Variants in SPATA16 observed in about 807,000 individuals in gnomAD.
SPATA16 encodes the protein spermatogenesis-associated protein 16.
A neutral mutation model predicts 63.3 loss-of-function variants in SPATA16; 36 were observed. The ratio of observed to expected loss-of-function variants is 0.57; its 90% CI spans 0.44 to 0.75. The LOEUF is 0.75. Among genes scored for constraint, SPATA16 ranks in the 30% least tolerant of loss-of-function variants. The pLI is 0.00. For synonymous variants in SPATA16, 203 were observed against 216.7 expected (o/e 0.94, Z 0.56); for missense variants, 646 against 679.3 (o/e 0.95, Z 0.54).
At chr3:173,109,639 G>C (rs1737702852) in intron 2 of SPATA16, among the ~76,000 whole-genome samples, 1 of 152,084 alleles carries the variant, frequency 6.6e-6, no homozygotes, top group African/African-American at 2.4e-5. Context: ...ACTAAAATAT[G>C]TTGGATATCT....
At chr3:172,951,476 G>A (rs1054488198) in intron 6 of SPATA16, among the ~76,000 whole-genome samples, 5 of 151,128 alleles carry the variant, frequency 3.3e-5, no homozygotes, top group Non-Finnish European at 4.4e-5. Flanking sequence ...TAGATAATGC[G>A]ATTGGCTTAT....
At chr3:173,037,980 A>G (rs545696186) in intron 3 of SPATA16, among the ~76,000 whole-genome samples, 5 of 152,272 alleles carry the variant, frequency 3.3e-5, no homozygotes, top group African/African-American at 1.2e-4. Context: ...CATAAAATAC[A>G]CATTCTTGAA....
chr3:172,946,217 T>A (rs780377108), intron 6 of SPATA16, among the ~76,000 whole-genome samples: 4 of 151,984 alleles, frequency 2.6e-5, no homozygotes, highest in Admixed American at 1.3e-4. Flanking sequence ...ACCCAGGGAG[T>A]ACTCACCGGG....
intron 8 of SPATA16, among the ~76,000 whole-genome samples, chr3:172,922,780 A>C (rs1732640234): frequency 6.6e-6 from 1 of 152,036 alleles, no homozygotes; most frequent in Non-Finnish European, 1.5e-5. Flanking sequence ...AAAATTAGCT[A>C]GGCATGGTGG....
At chr3:172,937,646 T>C (rs752322882) in intron 6 of SPATA16, among the ~76,000 whole-genome samples, 1 of 152,098 alleles carries the variant, frequency 6.6e-6, no homozygotes, top group Non-Finnish European at 1.5e-5. Flanking sequence ...CATTGAGGGG[T>C]GGGCAAAACC....
At chr3:173,002,589 A>G (rs548888056) in intron 4 of SPATA16, among the ~76,000 whole-genome samples, 1 of 152,208 alleles carries the variant, frequency 6.6e-6, no homozygotes, top group Non-Finnish European at 1.5e-5. Context: ...TACAATGTAT[A>G]TGAAAGAACA....
chr3:173,001,590 C>G (rs1734830684), intron 4 of SPATA16, among the ~76,000 whole-genome samples: 1 of 152,170 alleles, frequency 6.6e-6, no homozygotes, highest in African/African-American at 2.4e-5. Flanking sequence ...ATTTTTAACT[C>G]TCAGAATTGT....
intron 10 of SPATA16, among the ~76,000 whole-genome samples, chr3:172,896,350 A>G (rs1433617729): frequency 6.6e-6 from 1 of 152,152 alleles, no homozygotes; most frequent in African/African-American, 2.4e-5. Context: ...CCTCCCGAGT[A>G]GCTGGGACTA....
At chr3:173,012,349 T>A (rs1735091971) in intron 4 of SPATA16, among the ~76,000 whole-genome samples, 1 of 152,220 alleles carries the variant, frequency 6.6e-6, no homozygotes, top group Non-Finnish European at 1.5e-5. Context: ...ATGGTCATAT[T>A]GCCCAAAGCA....
chr3:172,933,472 T>C (rs948854490), intron 6 of SPATA16, among the ~76,000 whole-genome samples: 3 of 152,226 alleles, frequency 2.0e-5, no homozygotes, highest in Non-Finnish European at 4.4e-5. Context: ...GAAGGGGCAC[T>C]CTTATTCCTT....
intron 6 of SPATA16, among the ~76,000 whole-genome samples, chr3:172,929,791 A>G (rs903055805): frequency 2.2e-4 from 34 of 152,236 alleles, no homozygotes; most frequent in Admixed American, 9.8e-4. Context: ...CCAAATACCT[A>G]CTGGGACATT....
At chr3:173,099,260 G>C (rs1737434001) in intron 2 of SPATA16, among the ~76,000 whole-genome samples, 2 of 151,032 alleles carry the variant, frequency 1.3e-5, no homozygotes, top group Non-Finnish European at 3.0e-5. Flanking sequence ...GAGAGAGTGA[G>C]AGAGAGAGAG....
chr3:173,044,407 T>A (rs920409903), intron 3 of SPATA16, among the ~76,000 whole-genome samples: 4 of 152,204 alleles, frequency 2.6e-5, no homozygotes, highest in African/African-American at 9.6e-5. Context: ...ATTTTAAAGG[T>A]CAGATATTTT....
chr3:172,934,781 G>A (rs1329509086), intron 6 of SPATA16, among the ~76,000 whole-genome samples: 2 of 152,068 alleles, frequency 1.3e-5, no homozygotes, highest in African/African-American at 4.8e-5. Flanking sequence ...TAGAATTTGA[G>A]ATGAGATGCT....
At chr3:173,102,790 C>T (rs1737527959) in intron 2 of SPATA16, among the ~76,000 whole-genome samples, 1 of 152,214 alleles carries the variant, frequency 6.6e-6, no homozygotes, top group Non-Finnish European at 1.5e-5. Flanking sequence ...CCCAATAATC[C>T]CTCAAAGTCT....
At chr3:172,985,428 A>T (rs1276993117) in intron 4 of SPATA16, among the ~76,000 whole-genome samples, 1 of 152,202 alleles carries the variant, frequency 6.6e-6, no homozygotes, top group South Asian at 2.1e-4. Flanking sequence ...CAACATGCAG[A>T]AGTATGAAGA....
chr3:172,928,678 C>T (rs1732795601), intron 6 of SPATA16, among the ~76,000 whole-genome samples: 1 of 152,166 alleles, frequency 6.6e-6, no homozygotes, highest in Non-Finnish European at 1.5e-5. Context: ...CAGTACTATA[C>T]TATGGCTAAT....
chr3:173,069,112 G>GAAAAAAAAAAAAAA lies in SPATA16; in HGVS notation c.613-20032_613-20019dup, dbSNP rs541801266. 6.5e-4 allele frequency among the ~76,000 whole-genome samples: 71 copies of GAAAAAAAAAAAAAA among 109,062 alleles called. 2 individuals carry two copies. The highest frequency in any genetic ancestry group is 2.8e-3 in the South Asian group (11 of 3,910). 71.5% of individuals were successfully genotyped at this position (109,062 alleles called of 152,430 possible). A position where few individuals can be genotyped will look rare whatever the true frequency, so the allele number is the denominator to read the frequency against. ...GCAGCAGTACGAGACTCCGTCTCAAGAAAAAAAAAAAAAAGAAAGAAAGAA... is the reference window on the plus strand; with the variant it reads ...GCAGCAGTACGAGACTCCGTCTCAAGAAAAAAAAAAAAAAAAAAAAAAAAAAAAGAAAGAAAGAA... On this transcript the variant is annotated intron_variant, in intron 2 of 10. Coordinates refer to ENST00000351008, the MANE Select transcript of SPATA16 (RefSeq NM_031955.6).
chr3:172,902,463 T>A (rs1461592152), intron 10 of SPATA16, among the ~76,000 whole-genome samples: 1 of 152,224 alleles, frequency 6.6e-6, no homozygotes, highest in African/African-American at 2.4e-5. Flanking sequence ...CCCCTGTGCC[T>A]TAGGAAGATG....
Sources: allele counts gnomAD v4.1 joint callset (sites outside exome capture counted in the v4.1 genomes callset), GRCh38; gene constraint gnomAD v4.1.1; transcripts MANE v1.5; gene names NCBI Gene and HGNC (gene_info 2026-07-23, HGNC 2026-07-21).